SAXO1: variants seen among roughly 807,000 people sequenced by gnomAD.
The protein encoded by SAXO1 is stabilizer of axonemal microtubules 1.
A neutral mutation model predicts 17.5 loss-of-function variants in SAXO1; 21 were observed. The observed-to-expected ratio is 1.20, with a 90% CI of 0.85 to 1.72. The LOEUF is 1.72. SAXO1 is among the 40% of genes most tolerant of loss of function. The pLI, the probability that SAXO1 is intolerant of heterozygous loss-of-function variation, is 0.00. For synonymous variants in SAXO1, 274 were observed against 216.5 expected, an observed-to-expected ratio of 1.27 and a Z score of -2.33; for missense variants, 843 against 596.0, an observed-to-expected ratio of 1.41 and a Z score of -4.32.
At chr9:18,997,722 G>T (rs899895566) in intron 1 of SAXO1, among the ~76,000 whole-genome samples, 1 of 152,210 alleles carries the variant, frequency 6.6e-6, no homozygotes, top group Admixed American at 6.5e-5. Flanking sequence ...GGGGCTGACA[G>T]ATACTTCATA....
chr9:19,035,607 G>C (rs1835916044), upstream of SAXO1, among the ~76,000 whole-genome samples: 1 of 152,230 alleles, frequency 6.6e-6, no homozygotes, highest in South Asian at 2.1e-4. Context: ...AAGAAGACAG[G>C]AAAATGTGAG....
At chr9:18,955,332 T>C (rs1190686730) in intron 1 of SAXO1, among the ~76,000 whole-genome samples, 1 of 152,258 alleles carries the variant, frequency 6.6e-6, no homozygotes, top group African/African-American at 2.4e-5. Flanking sequence ...GATATTTTAC[T>C]TTCTTACTCT....
chr9:18,945,365 G>A (rs371191833), intron 2 of SAXO1, among the ~76,000 whole-genome samples: 16 of 152,222 alleles, frequency 1.1e-4, no homozygotes, highest in African/African-American at 2.2e-4. Flanking sequence ...CTTGACTTCC[G>A]TGATACCACT....
chr9:19,021,514 T>C (rs1835231460), intron 1 of SAXO1, among the ~76,000 whole-genome samples: 1 of 152,134 alleles, frequency 6.6e-6, no homozygotes, highest in Non-Finnish European at 1.5e-5. Flanking sequence ...GGCCCTGACA[T>C]GGAAGTTCTC....
chr9:19,018,702 A>G lies in SAXO1; in HGVS notation c.38+14169T>C, dbSNP rs751339459. On this transcript the variant is annotated intron_variant, in intron 1 of 3. Transcript: ENST00000380534. ...TACAGTACCCAAAAGTTATCCAAGG[A>G]CTCTCAGAAAAGCAGAGGCACCAGG... Among the ~76,000 whole-genome samples, 9 of 152,152 alleles carry G rather than the reference A, an allele frequency of 5.9e-5. No homozygotes were observed. The South Asian group carries it at 8.3e-4, about 14-fold the overall frequency.
At chr9:19,039,960 C>T (rs1048681611) in intron 1 of SAXO1, among the ~76,000 whole-genome samples, 1 of 152,176 alleles carries the variant, frequency 6.6e-6, no homozygotes, top group African/African-American at 2.4e-5. Context: ...AACTCCTCAC[C>T]TCAGGTGATC....
intron 1 of SAXO1, among the ~76,000 whole-genome samples, chr9:18,965,718 T>C (rs559615428): frequency 6.6e-6 from 1 of 152,358 alleles, no homozygotes; most frequent in East Asian, 1.9e-4. Context: ...TCTGTGTCTT[T>C]TAATTGGAGC....
chr9:19,038,538 A>T (rs1835999301), intron 1 of SAXO1, among the ~76,000 whole-genome samples: 1 of 144,740 alleles, frequency 6.9e-6, no homozygotes. Context: ...GTTCTCACTC[A>T]TAGATGGGAA....
intron 1 of SAXO1, among the ~76,000 whole-genome samples, chr9:18,994,804 C>T (rs565216785): frequency 6.6e-6 from 1 of 152,170 alleles, no homozygotes; most frequent in Admixed American, 6.5e-5. Context: ...TCCACACTAA[C>T]CCCCAGGATG....
intron 1 of SAXO1, among the ~76,000 whole-genome samples, chr9:18,952,627 T>C (rs944795375): frequency 6.6e-6 from 1 of 152,358 alleles, no homozygotes; most frequent in African/African-American, 2.4e-5. Flanking sequence ...TTATCAGAAA[T>C]GCCTTAAGAA....
intron 1 of SAXO1, among the ~76,000 whole-genome samples, chr9:18,995,001 T>C (rs965016169): frequency 7.9e-5 from 12 of 152,230 alleles, no homozygotes; most frequent in Non-Finnish European, 1.6e-4. Context: ...GTGGTTCCAT[T>C]AGACCATCCA....
chr9:18,954,687 T>G (rs1482208482), intron 1 of SAXO1, among the ~76,000 whole-genome samples: 1 of 152,166 alleles, frequency 6.6e-6, no homozygotes, highest in Non-Finnish European at 1.5e-5. Context: ...ATATCTGTTC[T>G]AGTATCTCCA....
At chr9:19,034,940 C>T (rs2131061789), upstream of SAXO1, among the ~76,000 whole-genome samples, 1 of 152,266 alleles carries the variant, frequency 6.6e-6, no homozygotes, top group East Asian at 1.9e-4. Flanking sequence ...TGTGGGTGGC[C>T]ACCTTGTCAA....
intron 1 of SAXO1, among the ~76,000 whole-genome samples, chr9:18,991,383 G>T (rs1002771112): frequency 2.0e-5 from 3 of 152,170 alleles, no homozygotes; most frequent in Non-Finnish European, 4.4e-5. Context: ...ATACTATGCA[G>T]CCATAAAAAA....
At chr9:18,965,522 A>G (rs375296525) in intron 1 of SAXO1, among the ~76,000 whole-genome samples, 3 of 151,504 alleles carry the variant, frequency 2.0e-5, no homozygotes, top group East Asian at 3.9e-4. Context: ...GTCTTATTTG[A>G]TCTTTGTTGA....
chr9:19,005,292 A>G (rs1834439953), intron 1 of SAXO1, among the ~76,000 whole-genome samples: 1 of 152,156 alleles, frequency 6.6e-6, no homozygotes. Flanking sequence ...TTCATATTGA[A>G]TCTCAAGGGA....
At chr9:19,018,355 G>A (rs1479895864) in intron 1 of SAXO1, among the ~76,000 whole-genome samples, 1 of 152,198 alleles carries the variant, frequency 6.6e-6, no homozygotes, top group African/African-American at 2.4e-5. Context: ...ATTCATGTAA[G>A]TGTCAGAATT....
chr9:18,959,949 G>A (rs571121967), intron 1 of SAXO1, among the ~76,000 whole-genome samples: 1 of 152,272 alleles, frequency 6.6e-6, no homozygotes, highest in African/African-American at 2.4e-5. Context: ...GCTAAGGACA[G>A]GTGATAGCAG....
At chr9:18,990,087 A>G (rs773620054) in intron 1 of SAXO1, among the ~76,000 whole-genome samples, 1 of 152,166 alleles carries the variant, frequency 6.6e-6, no homozygotes, top group Non-Finnish European at 1.5e-5. Context: ...CCAATGCCAC[A>G]TAGGTACGCT....
Sources: gnomAD v4.1 joint callset for allele counts (sites outside exome capture counted in the v4.1 genomes callset) on GRCh38, gnomAD v4.1.1 for gene constraint, MANE v1.5 for transcripts, NCBI Gene and HGNC (gene_info 2026-07-23, HGNC 2026-07-21) for gene names.